TMPRSS11A: variants seen among roughly 807,000 people sequenced by gnomAD.
TMPRSS11A encodes the protein transmembrane serine protease 11A, also known as transmembrane protease serine 11A.
In TMPRSS11A, 53 loss-of-function variants were observed where a neutral mutation model predicts 58.9. The ratio of observed to expected loss-of-function variants is 0.90; its 90% CI spans 0.72 to 1.13. The LOEUF (loss-of-function observed/expected upper bound fraction) is 1.13, where lower values mean the gene tolerates loss of function less well. Ranked by LOEUF, TMPRSS11A falls within the 50% of genes most tolerant of loss-of-function variation. The probability of loss-of-function intolerance (pLI) is 0.00; values close to 1 mark genes in which losing one functional copy is unlikely to be tolerated. For synonymous variants in TMPRSS11A, 167 were observed against 169.8 expected (o/e 0.98, Z 0.13); for missense variants, 493 against 499.3 (o/e 0.99, Z 0.12).
chr4:67,933,707 T>C (rs1480393624), intron 3 of TMPRSS11A, among the ~76,000 whole-genome samples: 2 of 152,158 alleles, frequency 1.3e-5, no homozygotes, highest in Non-Finnish European at 2.9e-5. Context: ...TATAACAATT[T>C]CTCTCTCATC....
chr4:67,935,981 T>A lies in TMPRSS11A; in HGVS notation c.253-3921A>T, dbSNP rs565031401. Among the ~76,000 whole-genome samples the A allele has an allele frequency of 2.7e-4, 41 of 152,288 alleles. 1 individual carries two copies. The South Asian group carries it at 6.8e-3, about 25-fold the overall frequency. ...CAGATGTCATTGTGTTTGAGCTCAT[T>A]TGCTTTCAAATCAGCCCTCTAAGGT... On this transcript the variant is annotated intron_variant, in intron 3 of 9. Transcript: ENST00000508048.
chr4:67,950,915 G>A (rs143363958), intron 1 of TMPRSS11A, among the ~76,000 whole-genome samples: 4 of 152,234 alleles, frequency 2.6e-5, no homozygotes, highest in Admixed American at 1.3e-4. Flanking sequence ...CTTTGGGGAT[G>A]TAAAGGTGGC....
At chr4:67,961,194 C>T (rs541159775) in intron 1 of TMPRSS11A, among the ~76,000 whole-genome samples, 1 of 152,224 alleles carries the variant, frequency 6.6e-6, no homozygotes, top group East Asian at 1.9e-4. Context: ...ACAAGGCTTC[C>T]ATATTATGTT....
Position 67,946,504 on chromosome 4 carries a change from A to G in TMPRSS11A, c.79T>C (p.Ser27Pro). The G allele has an allele frequency of 6.2e-7, 1 of 1,612,884 alleles. No homozygotes were observed. Among genetic ancestry groups the G allele is most frequent in the African/African-American group, 1.3e-5 (1 of 74,976 alleles). ...ATGGTCACTGCCACCACTGTCAGGG[A>G]CAACACAATGAGAACGGCAATCATC... is the stretch of plus-strand genomic sequence containing the variant. ...PWMIAVLIVL[S>P]LTVVAVTIGL... Residue 27 changes from serine to proline, a missense_variant, in exon 2 of 10, where the codon TCC becomes CCC. Physicochemically the swap from Ser to Pro is moderately conservative, Grantham distance 74 (BLOSUM62 -1). Coordinates refer to ENST00000508048, the MANE Select transcript of TMPRSS11A (RefSeq NM_001114387.2).
chr4:67,915,889 T>G (rs1477276305), intron 8 of TMPRSS11A, among the ~76,000 whole-genome samples: 1 of 152,242 alleles, frequency 6.6e-6, no homozygotes, highest in Admixed American at 6.5e-5. Flanking sequence ...AAATGAGTGC[T>G]GTTTTAACTG....
At position 67,947,411 on chromosome 4, in the gene TMPRSS11A, C is replaced by G. The variant is rs529307117; in HGVS notation, c.12-840G>C. 1.4e-3 allele frequency among the ~76,000 whole-genome samples: 207 copies of G among 148,952 alleles called. 2 individuals are homozygous for G. Among genetic ancestry groups the G allele is most frequent in the African/African-American group, 5.0e-3 (193 of 38,458 alleles). ...CTGCTTCTTTTTTAGTTTTTAATGA[C>G]ATTGACCATTGAAGAGATCAAGCTA... On this transcript the variant is annotated intron_variant, in intron 1 of 9. Transcript: ENST00000508048.
rs749754081 is a variant in TMPRSS11A, at chr4:67,922,837, G to A, written c.610C>T (p.Leu204Phe). The A allele has an allele frequency of 8.1e-6, 13 of 1,614,056 alleles. No homozygotes were observed. The highest frequency in any genetic ancestry group is 1.6e-4 in the Middle Eastern group (1 of 6,084). ...PKAAWPWQAS[L>F]QYDNIHQCGA... ...CACTGATGGATGTTATCATACTGAAGGGAAGCTTGCCAAGGCCAGGCCGCC... is the reference window on the plus strand; with the variant it reads ...CACTGATGGATGTTATCATACTGAAAGGAAGCTTGCCAAGGCCAGGCCGCC... Residue 204 changes from leucine to phenylalanine, a missense_variant, in exon 7 of 10, where the codon CTT becomes TTT. Transcript: ENST00000508048.
intron 1 of TMPRSS11A, among the ~76,000 whole-genome samples, chr4:67,960,087 C>T (rs1246208088): frequency 6.6e-6 from 1 of 152,136 alleles, no homozygotes. Context: ...CACATGCTCT[C>T]ACCTATAAAT....
At chr4:67,916,612 G>A (rs1720154216) in intron 8 of TMPRSS11A, among the ~76,000 whole-genome samples, 1 of 152,078 alleles carries the variant, frequency 6.6e-6, no homozygotes. Context: ...GGATCACGAG[G>A]TCAGGAGATC....
chr4:67,950,503 C>T (rs1209125772), intron 1 of TMPRSS11A, among the ~76,000 whole-genome samples: 1 of 152,206 alleles, frequency 6.6e-6, no homozygotes, highest in Non-Finnish European at 1.5e-5. Flanking sequence ...CATCTTCAAG[C>T]CAATTGATTC....
At chr4:67,958,607 A>T (rs1429159531) in intron 1 of TMPRSS11A, among the ~76,000 whole-genome samples, 1 of 152,206 alleles carries the variant, frequency 6.6e-6, no homozygotes, top group Non-Finnish European at 1.5e-5. Context: ...ACAGGCTCAT[A>T]GGCAGAAGGG....
At chr4:67,924,051 C>T in intron 6 of TMPRSS11A, 77 bp downstream of exon 6, 1 of 1,174,118 alleles carries the variant, frequency 8.5e-7, no homozygotes, top group Non-Finnish European at 1.3e-6. Context: ...GACAGATGGG[C>T]AAGTATGAGC....
At chr4:67,923,653 C>T (rs1353070221) in intron 6 of TMPRSS11A, among the ~76,000 whole-genome samples, 1 of 152,096 alleles carries the variant, frequency 6.6e-6, no homozygotes, top group Non-Finnish European at 1.5e-5. Flanking sequence ...ACTACAGGCA[C>T]CTGCCACCGC....
intron 3 of TMPRSS11A, among the ~76,000 whole-genome samples, chr4:67,935,022 A>C (rs1031921439): frequency 6.6e-6 from 1 of 152,222 alleles, no homozygotes; most frequent in African/African-American, 2.4e-5. Flanking sequence ...TGCTGTGAAA[A>C]AAAACTTTAG....
chr4:67,946,476 C>T lies in TMPRSS11A; in HGVS notation c.107G>A (p.Gly36Asp), dbSNP rs1332052916. 2 of 1,607,782 alleles carry T rather than the reference C, an allele frequency of 1.2e-6. No homozygotes were observed. The highest frequency in any genetic ancestry group is 8.5e-7 in the Non-Finnish European group (1 of 1,177,046). ...AAATACTAGGAAGTGAACCAGGAGA[C>T]CTATGGTCACTGCCACCACTGTCAG... Reference protein sequence around the residue: ...LSLTVVAVTIGLLVHFLVFDQ... With the variant: ...LSLTVVAVTIDLLVHFLVFDQ... The change falls in exon 2 of 10, where the codon GGT (glycine) becomes GAT (aspartate). Residue 36 changes from glycine (G) to aspartate (D), a missense_variant. Physicochemically the swap from Gly to Asp is moderately conservative, Grantham distance 94. Transcript: ENST00000508048.
At chr4:67,956,935 T>G (rs1040833579) in intron 1 of TMPRSS11A, among the ~76,000 whole-genome samples, 21 of 152,098 alleles carry the variant, frequency 1.4e-4, no homozygotes, top group African/African-American at 4.8e-4. Flanking sequence ...ATCATGGAGG[T>G]GGGTCTTTCC....
chr4:67,942,648 G>C (rs1388234803), intron 3 of TMPRSS11A, among the ~76,000 whole-genome samples: 2 of 152,194 alleles, frequency 1.3e-5, no homozygotes, highest in African/African-American at 4.8e-5. Flanking sequence ...TGCACACTGA[G>C]TCAGCCATTT....
rs114000236 is a variant in TMPRSS11A, at chr4:67,948,868, C to T, written c.12-2297G>A. 9.1e-4 allele frequency among the ~76,000 whole-genome samples: 138 copies of T among 151,928 alleles called. 3 individuals are homozygous for T. In the South Asian group the frequency reaches 0.018, roughly 19 times the overall value. On this transcript the variant is annotated intron_variant, in intron 1 of 9. Coordinates refer to ENST00000508048, the MANE Select transcript of TMPRSS11A (RefSeq NM_001114387.2). Reference sequence around the variant, plus strand: ...TCCAGTGATGATTAAGTAATTTCTCCAGTATAATAGAACTACTAGTTATCT... The same window carrying T: ...TCCAGTGATGATTAAGTAATTTCTCTAGTATAATAGAACTACTAGTTATCT...
chr4:67,934,970 T>C (rs2109752439), intron 3 of TMPRSS11A, among the ~76,000 whole-genome samples: 1 of 152,230 alleles, frequency 6.6e-6, no homozygotes, highest in South Asian at 2.1e-4. Flanking sequence ...TTTTCCAACG[T>C]AACACCAGGT....
Sources: allele counts gnomAD v4.1 joint callset (sites outside exome capture counted in the v4.1 genomes callset), GRCh38; gene constraint gnomAD v4.1.1; transcripts MANE v1.5; gene names NCBI Gene and HGNC (gene_info 2026-07-23, HGNC 2026-07-21).